RNF145: variants seen among roughly 807,000 people sequenced by gnomAD.
RNF145 encodes the protein ring finger protein 145.
A neutral mutation model predicts 57.3 loss-of-function variants in RNF145; 12 were observed. That is an observed-to-expected ratio of 0.21 (90% CI 0.13 to 0.34). The LOEUF (loss-of-function observed/expected upper bound fraction) is 0.34. Among genes scored for constraint, RNF145 ranks in the 10% least tolerant of loss-of-function variants. The probability of loss-of-function intolerance (pLI) is 1.00; values close to 1 mark genes in which losing one functional copy is unlikely to be tolerated. For synonymous variants in RNF145, 262 were observed against 288.3 expected (o/e 0.91, Z 0.92); for missense variants, 429 against 799.0 (o/e 0.54, Z 5.58).
At chr5:159,180,967 T>C (rs1429121093) in intron 4 of RNF145, among the ~76,000 whole-genome samples, 2 of 151,892 alleles carry the variant, frequency 1.3e-5, no homozygotes, top group Non-Finnish European at 2.9e-5. Context: ...GATAAAAGAC[T>C]GCACATTGGG....
chr5:159,207,139 T>C (rs987880035), intron 1 of RNF145, among the ~76,000 whole-genome samples: 1 of 152,158 alleles, frequency 6.6e-6, no homozygotes, highest in Admixed American at 6.5e-5. Flanking sequence ...CCATTCAAAT[T>C]TGTGGGTTAG....
chr5:159,200,978 T>C (rs1490597631), intron 2 of RNF145, among the ~76,000 whole-genome samples: 1 of 152,202 alleles, frequency 6.6e-6, no homozygotes, highest in African/African-American at 2.4e-5. Context: ...TTTGATAATA[T>C]AGGATTGTAG....
intron 4 of RNF145, among the ~76,000 whole-genome samples, chr5:159,179,593 C>T (rs1454447414): frequency 6.6e-6 from 1 of 151,894 alleles, no homozygotes; most frequent in Non-Finnish European, 1.5e-5. Flanking sequence ...AGACCATGGC[C>T]ACTGATAAGA....
chr5:159,166,745 T>C (rs1784404568), intron 8 of RNF145, among the ~76,000 whole-genome samples: 1 of 152,138 alleles, frequency 6.6e-6, no homozygotes, highest in African/African-American at 2.4e-5. Flanking sequence ...ACTTTAAAAA[T>C]TGTCTGGTTT....
chr5:159,186,427 A>G (rs1785057974), intron 3 of RNF145, among the ~76,000 whole-genome samples: 1 of 152,208 alleles, frequency 6.6e-6, no homozygotes, highest in Non-Finnish European at 1.5e-5. Flanking sequence ...ACAACCTAGG[A>G]ACAACTTGTA....
At chr5:159,188,428 T>TTTTA (rs1785165728) in intron 3 of RNF145, among the ~76,000 whole-genome samples, 1 of 151,586 alleles carries the variant, frequency 6.6e-6, no homozygotes, top group Non-Finnish European at 1.5e-5. Context: ...AGTTTAGAAA[T>TTTTA]TTTAGAAAAA....
At chr5:159,170,724 A>G (rs549756279) in intron 6 of RNF145, among the ~76,000 whole-genome samples, 1 of 152,276 alleles carries the variant, frequency 6.6e-6, no homozygotes, top group South Asian at 2.1e-4. Context: ...CCTCCCAAGT[A>G]GCTAAGACCG....
At chr5:159,170,441 TATG>T (rs1165047368) in intron 6 of RNF145, among the ~76,000 whole-genome samples, 1 of 152,220 alleles carries the variant, frequency 6.6e-6, no homozygotes, top group African/African-American at 2.4e-5. Flanking sequence ...AAAAGTTTGC[TATG>T]ATACTATTCA....
rs557653208 is a variant in RNF145, at chr5:159,177,674, GAAT to G, written c.386-810_386-808del. On this transcript the variant is annotated intron_variant, in intron 4 of 10. Coordinates refer to ENST00000424310, the MANE Select transcript of RNF145 (RefSeq NM_001199383.2). Reference sequence around the variant, plus strand: ...ATTTCCTAATATTCTCTTAGGCTAGGAATTACTGAATCAGAAAAAAACATTTTT... The same window carrying G: ...ATTTCCTAATATTCTCTTAGGCTAGGTACTGAATCAGAAAAAAACATTTTT... 2.6e-3 allele frequency among the ~76,000 whole-genome samples: 390 copies of G among 152,068 alleles called. 1 individual carries two copies. The highest frequency in any genetic ancestry group is 8.8e-3 in the African/African-American group (364 of 41,526).
At chr5:159,183,771 G>A (rs1182392321) in intron 3 of RNF145, among the ~76,000 whole-genome samples, 2 of 152,038 alleles carry the variant, frequency 1.3e-5, no homozygotes, top group African/African-American at 4.8e-5. Context: ...TTTAAACAGG[G>A]GCCAGGAAAA....
At chr5:159,195,487 C>T (rs933541062) in intron 2 of RNF145, among the ~76,000 whole-genome samples, 11 of 152,148 alleles carry the variant, frequency 7.2e-5, no homozygotes, top group Admixed American at 5.2e-4. Flanking sequence ...ACCCCCCTAA[C>T]TTGTTTGCTC....
chr5:159,193,428 G>A (rs946433194), intron 3 of RNF145, among the ~76,000 whole-genome samples: 2 of 152,148 alleles, frequency 1.3e-5, no homozygotes, highest in African/African-American at 4.8e-5. Flanking sequence ...GTAAGCTTCT[G>A]GGAAACACCC....
At chr5:159,169,581 ATTTC>A in intron 7 of RNF145, 94 bp downstream of exon 7, 1 of 1,064,772 alleles carries the variant, frequency 9.4e-7, no homozygotes, top group Non-Finnish European at 1.3e-6. Context: ...CTCCAATTCC[ATTTC>A]TTCTAAAATT....
chr5:159,191,051 A>T (rs1785272472), intron 3 of RNF145, among the ~76,000 whole-genome samples: 1 of 151,558 alleles, frequency 6.6e-6, no homozygotes, highest in African/African-American at 2.4e-5. Flanking sequence ...GTCTTGGGCC[A>T]CACATAAAAC....
At chr5:159,179,205 C>T (rs1345271172) in intron 4 of RNF145, among the ~76,000 whole-genome samples, 1 of 151,960 alleles carries the variant, frequency 6.6e-6, no homozygotes, top group Non-Finnish European at 1.5e-5. Context: ...GAATATGACT[C>T]ATATGGCGTA....
intron 10 of RNF145, among the ~76,000 whole-genome samples, chr5:159,160,638 T>C (rs1784184933): frequency 6.6e-6 from 1 of 152,220 alleles, no homozygotes. Flanking sequence ...GTTGTTTTAT[T>C]TCCAAAGTGA....
intron 10 of RNF145, among the ~76,000 whole-genome samples, chr5:159,159,507 A>C (rs926832964): frequency 2.0e-5 from 3 of 152,238 alleles, no homozygotes; most frequent in African/African-American, 4.8e-5. Flanking sequence ...ATACCAGGGT[A>C]TTGGCAAGGA....
At chr5:159,201,733 T>G (rs1785675133) in intron 2 of RNF145, among the ~76,000 whole-genome samples, 1 of 152,208 alleles carries the variant, frequency 6.6e-6, no homozygotes, top group Non-Finnish European at 1.5e-5. Flanking sequence ...TTTTTTATAT[T>G]TACTTATATA....
At position 159,194,716 on chromosome 5, in the gene RNF145, C is replaced by A; in HGVS notation, c.293G>T (p.Arg98Met). The A allele has an allele frequency of 6.3e-7, 1 of 1,579,458 alleles. No homozygotes were observed. The highest frequency in any genetic ancestry group is 8.7e-7 in the Non-Finnish European group (1 of 1,153,318). The change falls in exon 3 of 11, where the codon AGG becomes ATG. Residue 98 changes from arginine (R) to methionine (M), a missense_variant and splice_region_variant. Around this residue, in one of 4 missense-constraint regions of RNF145, gnomAD observed 109 missense variants for 207.2 expected, o/e 0.53. Coordinates refer to ENST00000424310, the MANE Select transcript of RNF145 (RefSeq NM_001199383.2). Reference sequence around the variant, plus strand: ...TTCAAAAATGGGGTCATATTCTTACCTGGAAATTTGATGTCCAGCATAGAG... The same window carrying A: ...TTCAAAAATGGGGTCATATTCTTACATGGAAATTTGATGTCCAGCATAGAG... Reference protein sequence around the residue: ...LLLYAGHQISRDYVRSELEFA... With the variant: ...LLLYAGHQISMDYVRSELEFA...
Sources: gnomAD v4.1 joint callset for allele counts (sites outside exome capture counted in the v4.1 genomes callset) on GRCh38, gnomAD v4.1.1 for gene constraint, gnomAD v4.1.1 regional missense constraint, MANE v1.5 for transcripts, NCBI Gene and HGNC (gene_info 2026-07-23, HGNC 2026-07-21) for gene names.